The following DNAJB6 variants were observed in gnomAD, a reference collection of about 807,000 sequenced individuals.
DNAJB6 encodes the protein dnaJ homolog subfamily B member 6.
In DNAJB6, 16 loss-of-function variants were observed where a neutral mutation model predicts 42.7. The observed-to-expected ratio is 0.37, with a 90% confidence interval of 0.25 to 0.57. DNAJB6 has a LOEUF of 0.57. Ranked by LOEUF, DNAJB6 falls within the 20% of genes least tolerant of loss-of-function variation. The pLI, the probability that DNAJB6 is intolerant of heterozygous loss-of-function variation, is 0.74. For missense variants in DNAJB6, 347 were observed against 416.8 expected, an observed-to-expected ratio of 0.83 and a Z score of 1.46; for synonymous variants, 170 against 163.5, an observed-to-expected ratio of 1.04 and a Z score of -0.30.
intron 1 of DNAJB6, among the ~76,000 whole-genome samples, chr7:157,356,454 C>T (rs1433372613): frequency 6.6e-6 from 1 of 152,182 alleles, no homozygotes; most frequent in African/African-American, 2.4e-5. Flanking sequence ...TGTCTTTTCT[C>T]TAGAGACTGG....
At chr7:157,337,521 C>T (rs1035390520) in intron 1 of DNAJB6, 5 of 152,250 alleles carry the variant, frequency 3.3e-5, no homozygotes, top group Non-Finnish European at 7.4e-5. Flanking sequence ...CGTGGAGCGC[C>T]TTCTTTTTCT....
intron 6 of DNAJB6, among the ~76,000 whole-genome samples, chr7:157,383,462 C>T (rs1292837132): frequency 6.6e-6 from 1 of 152,160 alleles, no homozygotes; most frequent in Non-Finnish European, 1.5e-5. Flanking sequence ...GAATTCTGCT[C>T]GATTGGACCT....
chr7:157,340,906 A>G (rs961888918), intron 1 of DNAJB6, among the ~76,000 whole-genome samples: 5 of 151,396 alleles, frequency 3.3e-5, no homozygotes, highest in African/African-American at 4.9e-5. Context: ...ACCTCAGGTG[A>G]TCCCCTGCCT....
chr7:157,377,586 A>C (rs563091863), intron 5 of DNAJB6, among the ~76,000 whole-genome samples: 2 of 152,090 alleles, frequency 1.3e-5, no homozygotes, highest in South Asian at 4.1e-4. Context: ...TCAGGACTGG[A>C]GCAGTCTCCT....
At chr7:157,366,586 A>G (rs903795669) in intron 4 of DNAJB6, 25 bp downstream of exon 4, 1 of 1,607,848 alleles carries the variant, frequency 6.2e-7, no homozygotes, top group Non-Finnish European at 8.5e-7. Context: ...TTTTTCTTTG[A>G]AGACAAAAGG....
rs998313618 is a variant in DNAJB6, at chr7:157,416,297, G to A, written c.*199G>A. The A allele has an allele frequency of 6.8e-6, 5 of 738,316 alleles. No homozygotes were observed. The highest frequency in any genetic ancestry group is 5.6e-5 in the East Asian group (2 of 35,764). The allele number at this position is 738,316 out of a possible 1,614,324, so 45.7% of individuals were successfully genotyped here. On this transcript the variant is annotated 3_prime_UTR_variant, in exon 10 of 10. Coordinates refer to ENST00000262177, the MANE Select transcript of DNAJB6 (RefSeq NM_058246.4). ...GACGGCACGGGTGGCGGGGACAGACGTTTGGGACTTGGCCGCGACTCTCTG... is the reference window on the plus strand; with the variant it reads ...GACGGCACGGGTGGCGGGGACAGACATTTGGGACTTGGCCGCGACTCTCTG...
At position 157,416,239 on chromosome 7, in the gene DNAJB6, G is replaced by A. The variant is rs1231896135; in HGVS notation, c.*141G>A. ...TCGCTCGGCAGGATTATGCGATCAC[G>A]GATCAGTCAGAGCAGGGTCAGGAGA... On this transcript the variant is annotated 3_prime_UTR_variant, in exon 10 of 10. Transcript: ENST00000262177. 4 of 1,365,690 alleles carry A rather than the reference G, an allele frequency of 2.9e-6. 1 individual carries two copies. The highest frequency in any genetic ancestry group is 4.0e-6 in the Non-Finnish European group (4 of 1,002,920). 84.6% of individuals were successfully genotyped at this position (1,365,690 alleles called of 1,614,324 possible). A position where few individuals can be genotyped will look rare whatever the true frequency, so the allele number is the denominator to read the frequency against.
rs932149786 is a variant in DNAJB6 at position 157,400,609 on chromosome 7, T to G, written c.692-9186T>G. The stretch of plus-strand genomic sequence containing the variant: ...CTGGAATTACCTTTGTCTTGCGGTC[T>G]CCGCCGCTGGTGGTCTATGTCTCAT... On this transcript the variant is annotated intron_variant, in intron 8 of 9. Coordinates refer to ENST00000262177, the MANE Select transcript of DNAJB6 (RefSeq NM_058246.4). Among the ~76,000 whole-genome samples the G allele has an allele frequency of 3.9e-5, 6 of 152,360 alleles. No homozygotes were observed. In the East Asian group the frequency reaches 9.6e-4, roughly 25 times the overall value.
In DNAJB6 at chr7:157,358,786, A is replaced by G. The variant is rs1799435399; in HGVS notation, c.65+149A>G. ...CATAGTTTAATTTGACAGAGCAGTT[A>G]ACGAGCATTTGCAGTCTAGGCCTGG... On this transcript the variant is annotated intron_variant, in intron 2 of 9. Transcript: ENST00000262177. The G allele has an allele frequency of 3.6e-5, 24 of 662,612 alleles. No individual in the cohort carries two copies. The South Asian group carries it at 4.2e-4, about 12-fold the overall frequency. 41.0% of individuals were successfully genotyped at this position (662,612 alleles called of 1,614,324 possible).
At chr7:157,400,080 T>A (rs1235842991) in intron 8 of DNAJB6, among the ~76,000 whole-genome samples, 1 of 152,210 alleles carries the variant, frequency 6.6e-6, no homozygotes, top group Non-Finnish European at 1.5e-5. Flanking sequence ...AAAGCCTTTG[T>A]AAAGCCAAAA....
chr7:157,407,254 G>T (rs151182872), intron 8 of DNAJB6, among the ~76,000 whole-genome samples: 332 of 152,342 alleles, frequency 2.2e-3, no homozygotes, highest in Non-Finnish European at 3.6e-3. Flanking sequence ...GCTCACGCTT[G>T]GCTCTGAAGC....
At chr7:157,401,589 G>A (rs1795519586) in intron 8 of DNAJB6, among the ~76,000 whole-genome samples, 3 of 152,186 alleles carry the variant, frequency 2.0e-5, no homozygotes, top group Admixed American at 2.0e-4. Context: ...TTTTAAAAGC[G>A]AATGTAGATT....
chr7:157,358,508 C>G (rs1799420302), intron 1 of DNAJB6, 39 bp from the exon 2 acceptor site: 1 of 1,392,344 alleles, frequency 7.2e-7, no homozygotes, highest in Non-Finnish European at 1.0e-6. Flanking sequence ...TTGCCCATCC[C>G]CAGCAGCCTC....
intron 5 of DNAJB6, among the ~76,000 whole-genome samples, chr7:157,370,182 A>AACATTATTATTAAACG: frequency 6.9e-6 from 1 of 145,232 alleles, no homozygotes; most frequent in South Asian, 2.2e-4. Context: ...ATTATTAAAC[A>AACATTATTATTAAACG]GGCCCCTTCT....
chr7:157,337,015 TGGAGAAA>T lies in DNAJB6; in HGVS notation c.-150_-144del, dbSNP rs912137995. On this transcript the variant is annotated 5_prime_UTR_variant, in exon 1 of 10. Transcript: ENST00000262177. ...GCGTGACGCATTTCCTGTTTGTTGT[TGGAGAAA>T]GGAGAGAAAGGAAAGCGCGAGGAGC... 7 of 152,452 alleles carry T rather than the reference TGGAGAAA, an allele frequency of 4.6e-5. No individual in the cohort carries two copies. The East Asian group carries it at 1.4e-3, about 30-fold the overall frequency. The allele number at this position is 152,452 out of a possible 1,614,324, so 9.4% of individuals were successfully genotyped here.
At chr7:157,410,132 G>T (rs887009883) in intron 9 of DNAJB6, 131 bp downstream of exon 9, 8 of 1,413,776 alleles carry the variant, frequency 5.7e-6, no homozygotes, top group Non-Finnish European at 7.4e-6. Context: ...GTCGGGCGGG[G>T]CGGGAGGAGG....
intron 2 of DNAJB6, among the ~76,000 whole-genome samples, chr7:157,360,295 G>A (rs1799513843): frequency 6.6e-6 from 1 of 152,144 alleles, no homozygotes; most frequent in African/African-American, 2.4e-5. Context: ...GGTCTTGTGA[G>A]GCTTATTATC....
intron 1 of DNAJB6, among the ~76,000 whole-genome samples, chr7:157,341,567 T>C (rs1482146030): frequency 6.6e-6 from 1 of 152,248 alleles, no homozygotes; most frequent in African/African-American, 2.4e-5. Context: ...GTGTGTTTTA[T>C]ATTTGTGTTG....
At chr7:157,357,602 G>C (rs983986267) in intron 1 of DNAJB6, among the ~76,000 whole-genome samples, 5 of 151,896 alleles carry the variant, frequency 3.3e-5, no homozygotes, top group Admixed American at 1.3e-4. Context: ...TGAGCCACGC[G>C]CCCGGCTGTG....
Sources: allele counts gnomAD v4.1 joint callset (sites outside exome capture counted in the v4.1 genomes callset), GRCh38; gene constraint gnomAD v4.1.1; transcripts MANE v1.5; gene names NCBI Gene and HGNC (gene_info 2026-07-23, HGNC 2026-07-21).